The following RAB5C variants were observed in gnomAD, a reference collection of about 807,000 sequenced individuals.
RAB5C encodes the protein RAB5C, member RAS oncogene family.
In RAB5C, 4 loss-of-function variants were observed where a neutral mutation model predicts 25.2. The ratio of observed to expected loss-of-function variants is 0.16; its 90% CI spans 0.08 to 0.36. RAB5C has a LOEUF of 0.36. Ranked by LOEUF, RAB5C falls within the 10% of genes least tolerant of loss-of-function variation. RAB5C has a pLI of 1.00. For missense variants in RAB5C, 199 were observed against 283.8 expected (o/e 0.70, Z 2.15); for synonymous variants, 100 against 106.4 (o/e 0.94, Z 0.37).
chr17:42,137,489 T>C (rs1341473218), intron 1 of RAB5C, among the ~76,000 whole-genome samples: 1 of 152,234 alleles, frequency 6.6e-6, no homozygotes, highest in East Asian at 1.9e-4. Context: ...TATAGAATTT[T>C]GCATATAATC....
intron 1 of RAB5C, among the ~76,000 whole-genome samples, chr17:42,142,072 C>T (rs1223669891): frequency 6.6e-6 from 1 of 151,950 alleles, no homozygotes; most frequent in Non-Finnish European, 1.5e-5. Flanking sequence ...CAGAGACTAG[C>T]TCCCAAAACC....
chr17:42,128,818 C>A lies in RAB5C; in HGVS notation c.167-18G>T, dbSNP rs938613826. 1 of 1,451,820 alleles carries A rather than the reference C, an allele frequency of 6.9e-7. No homozygotes were observed. The highest frequency in any genetic ancestry group is 9.1e-7 in the Non-Finnish European group (1 of 1,097,672). The allele number at this position is 1,451,820 out of a possible 1,614,324, so 89.9% of individuals were successfully genotyped here. ...GAAGGCCGCTGTAAGAGAGAAGGAGCGTCCATGGGCAAGAGCGAGTTGGAA... is the reference window on the plus strand; with the variant it reads ...GAAGGCCGCTGTAAGAGAGAAGGAGAGTCCATGGGCAAGAGCGAGTTGGAA... On this transcript the variant is annotated intron_variant, in intron 2 of 5. Coordinates refer to ENST00000346213, the MANE Select transcript of RAB5C (RefSeq NM_004583.4).
At chr17:42,145,893 T>C (rs2079632337) in intron 1 of RAB5C, among the ~76,000 whole-genome samples, 1 of 152,188 alleles carries the variant, frequency 6.6e-6, no homozygotes, top group Admixed American at 6.5e-5. Flanking sequence ...CTGCAACCTC[T>C]GCCTCCTGGT....
In RAB5C at chr17:42,128,673, G is replaced by T. The variant is rs1415213346; in HGVS notation, c.294C>A (p.Ile98=). ...PMYYRGAQAA[I]VVYDITNTDT... ...CTGTGTTGGTGATGTCATAGACCACGATGGCAGCCTGGGCCCCCCGATAGT... is the reference window on the plus strand; with the variant it reads ...CTGTGTTGGTGATGTCATAGACCACTATGGCAGCCTGGGCCCCCCGATAGT... The change falls in exon 3 of 6, where the codon ATC becomes ATA. Residue 98 remains isoleucine, a synonymous_variant. Transcript: ENST00000346213. 1.3e-6 allele frequency: 2 copies of T among 1,502,690 alleles called. No individual in the cohort carries two copies. Among genetic ancestry groups the T allele is most frequent in the Non-Finnish European group, 8.9e-7 (1 of 1,127,554 alleles). 93.1% of individuals were successfully genotyped at this position (1,502,690 alleles called of 1,614,324 possible).
At position 42,130,425 on chromosome 17, in the gene RAB5C, C is replaced by G. The variant is rs756462674; in HGVS notation, c.78G>C (p.Leu26=). The G allele has an allele frequency of 6.2e-7, 1 of 1,614,198 alleles. No homozygotes were observed. Residue 26 remains leucine (L), a synonymous_variant, in exon 2 of 6, where the codon CTG becomes CTC. Coordinates refer to ENST00000346213, the MANE Select transcript of RAB5C (RefSeq NM_004583.4). ...GNKICQFKLV[L]LGESAVGKSS... is the part of the protein sequence containing the mutation. ...ATTTGCCTACCGCAGACTCCCCCAG[C>G]AGAACCAGCTTAAATTGACAGATCT...
intron 4 of RAB5C, 36 bp from the exon 5 acceptor site, chr17:42,126,884 A>G: frequency 6.9e-7 from 1 of 1,446,792 alleles, no homozygotes; most frequent in Admixed American, 1.7e-5. Flanking sequence ...GTGAGAGGGA[A>G]ATGTTGGCAG....
chr17:42,153,701 G>A (rs190853659), intron 1 of RAB5C, among the ~76,000 whole-genome samples: 10 of 152,220 alleles, frequency 6.6e-5, no homozygotes, highest in Middle Eastern at 3.4e-3. Flanking sequence ...TACAGTCTCC[G>A]GCCTGTACTT....
intron 1 of RAB5C, among the ~76,000 whole-genome samples, chr17:42,149,071 G>T (rs1242146680): frequency 6.6e-6 from 1 of 152,186 alleles, no homozygotes; most frequent in African/African-American, 2.4e-5. Context: ...ACAATACCAA[G>T]CTATTAATGC....
At chr17:42,140,674 C>T (rs977370950) in intron 1 of RAB5C, among the ~76,000 whole-genome samples, 2 of 151,506 alleles carry the variant, frequency 1.3e-5, no homozygotes, top group African/African-American at 4.8e-5. Flanking sequence ...CAGGTGTGCA[C>T]CACCATACCC....
Position 42,128,288 on chromosome 17 carries a change from C to T in RAB5C, c.414G>A (p.Leu138=). 6.2e-7 allele frequency: 1 copy of T among 1,613,916 alleles called. No individual in the cohort carries two copies. Among genetic ancestry groups the T allele is most frequent in the South Asian group, 1.1e-5 (1 of 91,020 alleles). ...VIALAGNKAD[L]ASKRAVEFQE... is the part of the protein sequence containing the mutation. ...GGAATTCCACGGCTCTCTTGCTGGC[C>T]AGGTCTGCCTTGTTACCCGCGAGTG... The change falls in exon 4 of 6, where the codon CTG becomes CTA. Residue 138 remains leucine, a synonymous_variant. Transcript: ENST00000346213.
intron 1 of RAB5C, among the ~76,000 whole-genome samples, chr17:42,149,104 A>T (rs1020648157): frequency 1.3e-5 from 2 of 152,140 alleles, no homozygotes; most frequent in Non-Finnish European, 1.5e-5. Context: ...AAATATTCCG[A>T]TTCTCCTCTG....
chr17:42,128,415 CA>C, intron 3 of RAB5C, 32 bp from the exon 4 acceptor site: 1 of 1,598,788 alleles, frequency 6.3e-7, no homozygotes, highest in Non-Finnish European at 8.5e-7. Context: ...GTCGAAGGGA[CA>C]GAGAAGGCAT....
At chr17:42,152,315 A>G (rs749717652) in intron 1 of RAB5C, among the ~76,000 whole-genome samples, 13 of 152,154 alleles carry the variant, frequency 8.5e-5, no homozygotes, top group Admixed American at 2.0e-4. Context: ...CAGGGGAGGA[A>G]CAGCATCAGA....
At chr17:42,148,139 A>G (rs1449484972) in intron 1 of RAB5C, among the ~76,000 whole-genome samples, 2 of 151,836 alleles carry the variant, frequency 1.3e-5, no homozygotes, top group African/African-American at 4.8e-5. Flanking sequence ...GGCTGGGCAC[A>G]GTGGCTCATG....
chr17:42,125,671 TCCCCCTG>T lies in RAB5C; in HGVS notation c.*105_*111del. ...ATATGGAGAAATCATGGTGGACCCC[TCCCCCTG>T]CCCCCCCAGTGGTGGCCCGAGTCGT... On this transcript the variant is annotated 3_prime_UTR_variant, in exon 6 of 6. Coordinates refer to ENST00000346213, the MANE Select transcript of RAB5C (RefSeq NM_004583.4). 1 of 695,600 alleles carries T rather than the reference TCCCCCTG, an allele frequency of 1.4e-6. No homozygotes were observed. Among genetic ancestry groups the T allele is most frequent in the South Asian group, 1.8e-5 (1 of 54,894 alleles). 43.1% of individuals were successfully genotyped at this position (695,600 alleles called of 1,614,324 possible). A position where few individuals can be genotyped will look rare whatever the true frequency, so the allele number is the denominator to read the frequency against.
chr17:42,146,175 T>A (rs1209573386), intron 1 of RAB5C, among the ~76,000 whole-genome samples: 1 of 151,978 alleles, frequency 6.6e-6, no homozygotes, highest in Non-Finnish European at 1.5e-5. Context: ...AATAAAAGTC[T>A]GAGAAACTGG....
chr17:42,135,582 G>A (rs894572196), intron 1 of RAB5C, among the ~76,000 whole-genome samples: 3 of 151,834 alleles, frequency 2.0e-5, no homozygotes, highest in Admixed American at 6.6e-5. Context: ...AGGCACCCCC[G>A]ATCAGTGCTG....
At chr17:42,151,306 G>T (rs1272942853) in intron 1 of RAB5C, among the ~76,000 whole-genome samples, 1 of 151,974 alleles carries the variant, frequency 6.6e-6, no homozygotes, top group Non-Finnish European at 1.5e-5. Flanking sequence ...ACGTGGTGGT[G>T]GGCACCTGTA....
intron 1 of RAB5C, among the ~76,000 whole-genome samples, chr17:42,137,314 G>GAAAAAAAAAAAAAAAAAAAAA (rs1300048784): frequency 2.0e-5 from 2 of 98,606 alleles, no homozygotes; most frequent in Non-Finnish European, 2.2e-5. Context: ...TCAAAAAAAA[G>GAAAAAAAAAAAAAAAAAAAAA]AAAAAAAAAA....
Sources: gnomAD v4.1 joint callset for allele counts (sites outside exome capture counted in the v4.1 genomes callset) on GRCh38, gnomAD v4.1.1 for gene constraint, MANE v1.5 for transcripts, NCBI Gene and HGNC (gene_info 2026-07-23, HGNC 2026-07-21) for gene names.